RBFOX1: variants seen among roughly 807,000 people sequenced by gnomAD.
The protein encoded by RBFOX1 is RNA binding protein fox-1 homolog 1.
RBFOX1 carries 8 observed loss-of-function variants against 57.7 expected under a neutral mutation model. The observed-to-expected ratio is 0.14, with a 90% CI of 0.08 to 0.25. The LOEUF is 0.25. Ranked by LOEUF, RBFOX1 falls within the 10% of genes least tolerant of loss-of-function variation. The pLI, the probability that RBFOX1 is intolerant of heterozygous loss-of-function variation, is 1.00. For missense variants in RBFOX1, 611 were observed against 548.5 expected, an observed-to-expected ratio of 1.11 and a Z score of -1.14; for synonymous variants, 326 against 222.4, an observed-to-expected ratio of 1.47 and a Z score of -4.15.
chr16:5,760,564 C>G (rs979525471), intron 3 of RBFOX1, among the ~76,000 whole-genome samples: 4 of 152,186 alleles, frequency 2.6e-5, no homozygotes, highest in Non-Finnish European at 5.9e-5. Context: ...CCACAGAACA[C>G]TATTTAGCCC....
chr16:5,517,921 CA>C (rs1326852077), intron 2 of RBFOX1, among the ~76,000 whole-genome samples: 1 of 143,908 alleles, frequency 6.9e-6, no homozygotes, highest in Non-Finnish European at 1.5e-5. Context: ...ATAAAATATG[CA>C]AAAGCTACTG....
At chr16:7,124,042 A>G (rs2067819395) in intron 4 of RBFOX1, among the ~76,000 whole-genome samples, 1 of 152,206 alleles carries the variant, frequency 6.6e-6, no homozygotes, top group Admixed American at 6.5e-5. Flanking sequence ...AAGGTTATGT[A>G]TATTTAGAAA....
chr16:5,546,223 T>C (rs959687612), intron 2 of RBFOX1, among the ~76,000 whole-genome samples: 6 of 152,140 alleles, frequency 3.9e-5, no homozygotes, highest in African/African-American at 1.4e-4. Flanking sequence ...CACTGAATAT[T>C]GTTAAGGTGT....
chr16:7,398,290 A>T lies in RBFOX1; in HGVS notation c.28-119857A>T, dbSNP rs560603465. Among the ~76,000 whole-genome samples, 3 of 150,648 alleles carry T rather than the reference A, an allele frequency of 2.0e-5. No individual in the cohort carries two copies. In the South Asian group the frequency reaches 6.2e-4, roughly 31 times the overall value. On this transcript the variant is annotated intron_variant, in intron 4 of 15. Transcript: ENST00000550418. The stretch of plus-strand genomic sequence containing the variant: ...ATGTTTTTCTTTCCCTCTGGGTGAC[A>T]CTTACAGGATGCTTAAGTTTGCTGG...
intron 2 of RBFOX1, among the ~76,000 whole-genome samples, chr16:6,389,329 T>C (rs1008060): frequency 0.37 from 55,082 of 150,082 alleles, 10,347 homozygotes; most frequent in South Asian, 0.62. Context: ...CAAGATGACC[T>C]GCCCACCACT....
intron 3 of RBFOX1, among the ~76,000 whole-genome samples, chr16:6,860,032 C>T (rs535111878): frequency 6.6e-6 from 1 of 152,228 alleles, no homozygotes; most frequent in African/African-American, 2.4e-5. Context: ...CACAAGGGTA[C>T]CTGATGGAAC....
At chr16:6,385,002 A>G (rs2092144319) in intron 2 of RBFOX1, among the ~76,000 whole-genome samples, 1 of 152,164 alleles carries the variant, frequency 6.6e-6, no homozygotes, top group Non-Finnish European at 1.5e-5. Flanking sequence ...ACCCTATTTC[A>G]GCAGCACCCC....
intron 3 of RBFOX1, among the ~76,000 whole-genome samples, chr16:5,761,423 A>G (rs937642260): frequency 6.6e-6 from 1 of 152,236 alleles, no homozygotes; most frequent in African/African-American, 2.4e-5. Context: ...TCTTTCTGCT[A>G]ATAAAGACAT....
intron 3 of RBFOX1, among the ~76,000 whole-genome samples, chr16:6,740,582 A>G (rs931198372): frequency 6.6e-6 from 1 of 152,238 alleles, no homozygotes; most frequent in Non-Finnish European, 1.5e-5. Flanking sequence ...AACAGTTTCT[A>G]AATTTCTTAC....
intron 2 of RBFOX1, among the ~76,000 whole-genome samples, chr16:6,373,711 G>C (rs11859228): frequency 6.6e-6 from 1 of 152,008 alleles, no homozygotes. Flanking sequence ...TTTGGGTTAG[G>C]GGATGGTTGG....
intron 3 of RBFOX1, among the ~76,000 whole-genome samples, chr16:5,627,884 A>G (rs1024994783): frequency 2.0e-5 from 3 of 152,232 alleles, no homozygotes; most frequent in Non-Finnish European, 4.4e-5. Flanking sequence ...TTTAGTATCC[A>G]CAAGGGGGGT....
intron 3 of RBFOX1, among the ~76,000 whole-genome samples, chr16:7,013,351 C>T (rs932415403): frequency 2.0e-5 from 3 of 152,128 alleles, no homozygotes; most frequent in Non-Finnish European, 2.9e-5. Flanking sequence ...AAACATAAAC[C>T]AGTCCCTCTC....
chr16:5,502,491 C>G (rs2043233826), intron 2 of RBFOX1, among the ~76,000 whole-genome samples: 2 of 152,134 alleles, frequency 1.3e-5, no homozygotes, highest in South Asian at 4.1e-4. Flanking sequence ...CTGGAAGCCC[C>G]CTGCTCTGCT....
At chr16:7,591,942 G>A (rs1219048235) in intron 7 of RBFOX1, among the ~76,000 whole-genome samples, 1 of 152,134 alleles carries the variant, frequency 6.6e-6, no homozygotes, top group Non-Finnish European at 1.5e-5. Context: ...TCGTGGCAAA[G>A]GTTCCCTGCT....
At chr16:5,450,671 T>G (rs1345199990) in intron 1 of RBFOX1, among the ~76,000 whole-genome samples, 2 of 151,956 alleles carry the variant, frequency 1.3e-5, no homozygotes, top group Non-Finnish European at 2.9e-5. Flanking sequence ...GAGGTCAGAG[T>G]CAGGGAGGAA....
At chr16:7,488,961 A>G (rs1454786865) in intron 4 of RBFOX1, among the ~76,000 whole-genome samples, 1 of 152,224 alleles carries the variant, frequency 6.6e-6, no homozygotes, top group Non-Finnish European at 1.5e-5. Context: ...CTATGTATAC[A>G]TTCATCCATT....
intron 3 of RBFOX1, among the ~76,000 whole-genome samples, chr16:5,646,029 A>T (rs569093856): frequency 3.4e-5 from 5 of 148,530 alleles, no homozygotes; most frequent in Admixed American, 6.7e-5. Flanking sequence ...TTTTTTTTTA[A>T]TTTTTTTTTT....
chr16:6,803,364 GAGA>G (rs1179966181), intron 3 of RBFOX1, among the ~76,000 whole-genome samples: 3 of 152,160 alleles, frequency 2.0e-5, no homozygotes, highest in African/African-American at 7.2e-5. Flanking sequence ...CAGCCGTACA[GAGA>G]AGAACAATCT....
chr16:7,538,116 G>C (rs1304779502), intron 5 of RBFOX1, among the ~76,000 whole-genome samples: 1 of 152,190 alleles, frequency 6.6e-6, no homozygotes, highest in Non-Finnish European at 1.5e-5. Context: ...ACAAAGAGTT[G>C]TGAGTATTGC....
Sources: gnomAD v4.1 joint callset for allele counts (sites outside exome capture counted in the v4.1 genomes callset) on GRCh38, gnomAD v4.1.1 for gene constraint, MANE v1.5 for transcripts, NCBI Gene and HGNC (gene_info 2026-07-23, HGNC 2026-07-21) for gene names.